The following MTAP variants were observed in gnomAD, a reference collection of about 807,000 sequenced individuals.
MTAP encodes methylthioadenosine phosphorylase, also known as S-methyl-5'-thioadenosine phosphorylase.
MTAP carries 33 observed loss-of-function variants against 33.6 expected under a neutral mutation model. The observed-to-expected ratio is 0.98, with a 90% CI of 0.74 to 1.31. The LOEUF is 1.31. Ranked by LOEUF, MTAP falls within the 40% of genes most tolerant of loss-of-function variation. The pLI, the probability that MTAP is intolerant of heterozygous loss-of-function variation, is 0.00. For missense variants in MTAP, 367 were observed against 360.0 expected (o/e 1.02, Z -0.16); for synonymous variants, 148 against 125.7 (o/e 1.18, Z -1.19).
At chr9:21,894,724 AC>A (rs1400338062) in intron 1 of MTAP, among the ~76,000 whole-genome samples, 3 of 151,970 alleles carry the variant, frequency 2.0e-5, no homozygotes, top group African/African-American at 7.3e-5. Flanking sequence ...GTGCACATGT[AC>A]CCTAGAACTC....
chr9:21,809,601 T>G (rs979484660), intron 1 of MTAP, among the ~76,000 whole-genome samples: 6 of 150,180 alleles, frequency 4.0e-5, no homozygotes, highest in African/African-American at 1.2e-4. Context: ...ATCGCACCAC[T>G]GCACTCCAGC....
At chr9:21,825,698 A>T (rs1234305019) in intron 4 of MTAP, among the ~76,000 whole-genome samples, 1 of 152,174 alleles carries the variant, frequency 6.6e-6, no homozygotes, top group Non-Finnish European at 1.5e-5. Flanking sequence ...AAAATTAGCC[A>T]TGTGTGTTGA....
intron 1 of MTAP, among the ~76,000 whole-genome samples, chr9:21,897,317 G>A (rs1296371768): frequency 6.6e-6 from 1 of 152,106 alleles, no homozygotes; most frequent in Admixed American, 6.6e-5. Context: ...TTGAAAACTG[G>A]CACAAAACAG....
At chr9:21,907,659 A>T (rs544557580) in intron 1 of MTAP, among the ~76,000 whole-genome samples, 1 of 149,988 alleles carries the variant, frequency 6.7e-6, no homozygotes, top group African/African-American at 2.4e-5. Context: ...CTCATAAATA[A>T]TACCTGTGTG....
intron 5 of MTAP, among the ~76,000 whole-genome samples, chr9:21,854,389 G>T (rs1038520705): frequency 6.6e-6 from 1 of 152,212 alleles, no homozygotes; most frequent in Non-Finnish European, 1.5e-5. Flanking sequence ...GTGCTTGCTT[G>T]TGTAGCTATT....
chr9:21,853,303 A>G (rs1174895421), intron 5 of MTAP, among the ~76,000 whole-genome samples: 1 of 151,970 alleles, frequency 6.6e-6, no homozygotes, highest in East Asian at 1.9e-4. Flanking sequence ...AGGGGGGAAA[A>G]GGGGGTGGGG....
At chr9:21,844,858 C>A (rs917078718) in intron 5 of MTAP, among the ~76,000 whole-genome samples, 1 of 152,206 alleles carries the variant, frequency 6.6e-6, no homozygotes, top group African/African-American at 2.4e-5. Context: ...GGTGAAACCC[C>A]ATCTCTACTA....
Position 21,854,752 on chromosome 9 carries a change from C to T in MTAP, c.572C>T (p.Ala191Val), listed in dbSNP as rs200708704. ...AESFMFRTWG[A>V]DVINMTTVPE... ...AGCTTCATGTTCCGCACCTGGGGGG[C>T]GGATGTTATCAACATGACCACAGTT... Residue 191 changes from alanine to valine, a missense_variant, in exon 6 of 8, where the codon GCG becomes GTG. Coordinates refer to ENST00000644715, the MANE Select transcript of MTAP (RefSeq NM_002451.4). The T allele has an allele frequency of 8.7e-5, 141 of 1,613,984 alleles. No homozygotes were observed. The highest frequency in any genetic ancestry group is 1.6e-4 in the Middle Eastern group (1 of 6,082).
rs1432980144 is a variant in MTAP, at chr9:21,898,603, A to T, written c.148-32405A>T. ...GAACAGGCCCTTTTCAAAAGAATAC[A>T]TTTATGCAGCCAACAGACACATGAA... is the stretch of plus-strand genomic sequence containing the variant. On this transcript the variant is annotated intron_variant, in intron 1 of 1. Transcript: ENST00000577563. Among the ~76,000 whole-genome samples the T allele has an allele frequency of 2.0e-5, 3 of 152,242 alleles. No individual in the cohort carries two copies. The East Asian group carries it at 5.8e-4, about 29-fold the overall frequency.
chr9:21,805,391 G>C (rs1824183805), intron 1 of MTAP, among the ~76,000 whole-genome samples: 1 of 152,176 alleles, frequency 6.6e-6, no homozygotes, highest in Non-Finnish European at 1.5e-5. Flanking sequence ...ATGCAGCTTT[G>C]AGTAAGCGAG....
chr9:21,840,405 C>A (rs1391170208), intron 5 of MTAP, among the ~76,000 whole-genome samples: 1 of 152,186 alleles, frequency 6.6e-6, no homozygotes, highest in Non-Finnish European at 1.5e-5. Context: ...TTCTGCAAAA[C>A]AGGCAAGAAA....
At chr9:21,911,609 CT>C (rs1285010257) in intron 1 of MTAP, among the ~76,000 whole-genome samples, 3 of 152,076 alleles carry the variant, frequency 2.0e-5, no homozygotes, top group African/African-American at 7.2e-5. Flanking sequence ...ATACCAGAAT[CT>C]CTGTGACACA....
chr9:21,861,579 A>T (rs1825754424), intron 7 of MTAP: 2 of 173,968 alleles, frequency 1.1e-5, no homozygotes, highest in Non-Finnish European at 2.4e-5. Flanking sequence ...GCAAAGATAA[A>T]GAGTTGTGAT....
chr9:21,884,352 T>C (rs562381953), intron 1 of MTAP, among the ~76,000 whole-genome samples: 9 of 152,204 alleles, frequency 5.9e-5, no homozygotes, highest in East Asian at 3.8e-4. Flanking sequence ...GGTATACTTA[T>C]ATGATGGAAT....
chr9:21,889,966 A>G (rs1226350009), intron 1 of MTAP, among the ~76,000 whole-genome samples: 1 of 152,098 alleles, frequency 6.6e-6, no homozygotes, highest in Admixed American at 6.5e-5. Context: ...CCATGTAACT[A>G]TTCAGGTTTC....
At chr9:21,902,233 C>T (rs1048880620) in intron 1 of MTAP, among the ~76,000 whole-genome samples, 4 of 152,188 alleles carry the variant, frequency 2.6e-5, no homozygotes, top group African/African-American at 9.7e-5. Flanking sequence ...TCCTCCAGTT[C>T]CACAGATACT....
intron 1 of MTAP, among the ~76,000 whole-genome samples, chr9:21,901,349 T>G (rs1052859522): frequency 6.6e-6 from 1 of 152,152 alleles, no homozygotes; most frequent in South Asian, 2.1e-4. Flanking sequence ...CCTTTTAAAT[T>G]TTTTTAGTAT....
intron 5 of MTAP, among the ~76,000 whole-genome samples, chr9:21,842,652 G>T (rs1424291850): frequency 6.6e-6 from 1 of 152,170 alleles, no homozygotes; most frequent in African/African-American, 2.4e-5. Flanking sequence ...TTTGTATCCA[G>T]TAAAACTAAG....
chr9:21,837,097 G>T (rs1428427406), intron 4 of MTAP, among the ~76,000 whole-genome samples: 1 of 152,186 alleles, frequency 6.6e-6, no homozygotes, highest in Non-Finnish European at 1.5e-5. Context: ...AAATTTCCAG[G>T]TGACTTGGTG....
Sources: allele counts gnomAD v4.1 joint callset (sites outside exome capture counted in the v4.1 genomes callset), GRCh38; gene constraint gnomAD v4.1.1; transcripts MANE v1.5; gene names NCBI Gene and HGNC (gene_info 2026-07-23, HGNC 2026-07-21).